Variants in FILIP1 observed in about 807,000 individuals in gnomAD.
FILIP1 encodes the protein filamin A interacting protein 1, also known as filamin-A-interacting protein 1.
Under a neutral mutation model 102.1 loss-of-function variants are expected in FILIP1, and 61 were observed. The ratio of observed to expected loss-of-function variants is 0.60; its 90% CI spans 0.49 to 0.74. The LOEUF (loss-of-function observed/expected upper bound fraction) is 0.74. Ranked by LOEUF, FILIP1 falls within the 30% of genes least tolerant of loss-of-function variation. The pLI is 0.00. For synonymous variants in FILIP1, 491 were observed against 526.9 expected (o/e 0.93, Z 0.93); for missense variants, 1,314 against 1,441.2 (o/e 0.91, Z 1.43).
At chr6:75,302,242 C>T (rs1772858296) in intron 6 of FILIP1, among the ~76,000 whole-genome samples, 1 of 152,072 alleles carries the variant, frequency 6.6e-6, no homozygotes, top group Non-Finnish European at 1.5e-5. Context: ...GTAACTTTCA[C>T]CACCCAAAAA....
chr6:75,454,371 C>T (rs1562622372), intron 1 of FILIP1, among the ~76,000 whole-genome samples: 1 of 152,188 alleles, frequency 6.6e-6, no homozygotes, highest in Non-Finnish European at 1.5e-5. Context: ...ATCTCTCTTC[C>T]CTCTAGCTGG....
chr6:75,462,177 T>TA (rs1397870628), intron 1 of FILIP1, among the ~76,000 whole-genome samples: 3 of 152,198 alleles, frequency 2.0e-5, no homozygotes, highest in African/African-American at 7.2e-5. Flanking sequence ...TCTCATCTCT[T>TA]TAGGGCCCAG....
chr6:75,295,668 C>G (rs1186098762), exon 7 of FILIP1: 1 of 341,320 alleles, frequency 2.9e-6, no homozygotes, highest in Non-Finnish European at 5.2e-6. Context: ...GACCTGAAAG[C>G]TTTGCAAAAA....
chr6:75,455,314 T>C (rs1778789632), intron 1 of FILIP1: 1 of 150,974 alleles, frequency 6.6e-6, no homozygotes, highest in Admixed American at 6.6e-5. Context: ...ATAAGGTAAA[T>C]CAATTGCCCA....
intron 2 of FILIP1, among the ~76,000 whole-genome samples, chr6:75,382,201 C>A (rs1247773925): frequency 6.6e-6 from 1 of 152,196 alleles, no homozygotes; most frequent in East Asian, 1.9e-4. Flanking sequence ...TGCTGCACTT[C>A]AATCTTCAGG....
chr6:75,439,480 G>A (rs1044079282), intron 1 of FILIP1, among the ~76,000 whole-genome samples: 14 of 152,218 alleles, frequency 9.2e-5, no homozygotes, highest in East Asian at 1.9e-4. Flanking sequence ...GCAAACATAC[G>A]TGGAAGTCCT....
intron 4 of FILIP1, among the ~76,000 whole-genome samples, chr6:75,325,077 T>G (rs1354438890): frequency 6.6e-6 from 1 of 151,972 alleles, no homozygotes; most frequent in Admixed American, 6.5e-5. Context: ...AAAACAAAAA[T>G]AAATAGATGG....
At chr6:75,406,672 T>TC (rs1394518616) in intron 2 of FILIP1, among the ~76,000 whole-genome samples, 1 of 151,314 alleles carries the variant, frequency 6.6e-6, no homozygotes, top group Non-Finnish European at 1.5e-5. Context: ...TTTTTTTTTT[T>TC]TTTTTCAGAC....
In FILIP1 at chr6:75,353,734, G is replaced by A; in HGVS notation, c.451-17C>T. On this transcript the variant is annotated splice_polypyrimidine_tract_variant and intron_variant, in intron 3 of 5. Transcript: ENST00000237172. ...TCTGTCCAGCTGAATAAGCAAACAT[G>A]GGAAAGGGCTTAATATTTTATTGCA... is the stretch of plus-strand genomic sequence containing the variant. 1 of 1,609,884 alleles carries A rather than the reference G, an allele frequency of 6.2e-7. No individual in the cohort carries two copies. The highest frequency in any genetic ancestry group is 8.5e-7 in the Non-Finnish European group (1 of 1,179,456).
At chr6:75,441,888 AC>A (rs1216283775) in intron 1 of FILIP1, among the ~76,000 whole-genome samples, 6 of 109,712 alleles carry the variant, frequency 5.5e-5, no homozygotes, top group African/African-American at 1.5e-4. Flanking sequence ...CGGGGGGTAG[AC>A]CCCCCCACCT....
chr6:75,459,328 A>G (rs924665223), intron 1 of FILIP1, among the ~76,000 whole-genome samples: 3 of 152,182 alleles, frequency 2.0e-5, no homozygotes, highest in Non-Finnish European at 2.9e-5. Context: ...CATGTTATTA[A>G]TTACTAGTAT....
chr6:75,296,221 A>C (rs1172002112), intron 6 of FILIP1, among the ~76,000 whole-genome samples: 2 of 152,084 alleles, frequency 1.3e-5, no homozygotes, highest in African/African-American at 4.8e-5. Context: ...AACTGAAAAC[A>C]AAGATAGTAA....
At chr6:75,301,860 C>T (rs1772847490) in intron 6 of FILIP1, among the ~76,000 whole-genome samples, 2 of 152,080 alleles carry the variant, frequency 1.3e-5, no homozygotes, top group Non-Finnish European at 2.9e-5. Flanking sequence ...TTTCAGCAGC[C>T]CTTCTTCTCT....
At chr6:75,362,982 A>G in intron 2 of FILIP1, 65 bp from the exon 3 acceptor site, 1 of 1,494,326 alleles carries the variant, frequency 6.7e-7, no homozygotes, top group Non-Finnish European at 9.2e-7. Flanking sequence ...GGCTCAAAAA[A>G]TCAACAGAGA....
intron 1 of FILIP1, among the ~76,000 whole-genome samples, chr6:75,468,475 T>C (rs1313253762): frequency 1.3e-5 from 2 of 152,208 alleles, no homozygotes; most frequent in Non-Finnish European, 2.9e-5. Flanking sequence ...ATTGAAATAT[T>C]GATCTTTTAA....
chr6:75,318,884 T>A (rs1366816731), intron 4 of FILIP1, among the ~76,000 whole-genome samples: 1 of 151,788 alleles, frequency 6.6e-6, no homozygotes, highest in African/African-American at 2.4e-5. Flanking sequence ...TGTAGAGTGT[T>A]AACTATACAA....
chr6:75,351,345 G>A (rs985184963), intron 4 of FILIP1, among the ~76,000 whole-genome samples: 9 of 152,080 alleles, frequency 5.9e-5, no homozygotes, highest in East Asian at 1.9e-4. Context: ...TTACAGGTGC[G>A]AGCCACATGC....
At chr6:75,469,543 A>G (rs1779271969) in intron 1 of FILIP1, among the ~76,000 whole-genome samples, 1 of 152,114 alleles carries the variant, frequency 6.6e-6, no homozygotes, top group African/African-American at 2.4e-5. Flanking sequence ...AATGTGCATT[A>G]GCTTGAATTC....
At chr6:75,426,534 A>G (rs746653639) in intron 1 of FILIP1, among the ~76,000 whole-genome samples, 15 of 152,156 alleles carry the variant, frequency 9.9e-5, no homozygotes, top group East Asian at 1.9e-4. Flanking sequence ...GCCCAGCAAA[A>G]GTGGAAGGTA....
Sources: allele counts gnomAD v4.1 joint callset (sites outside exome capture counted in the v4.1 genomes callset), GRCh38; gene constraint gnomAD v4.1.1; transcripts MANE v1.5; gene names NCBI Gene and HGNC (gene_info 2026-07-23, HGNC 2026-07-21).